ELMOD1: variants seen among roughly 807,000 people sequenced by gnomAD.
ELMOD1 encodes the protein ELMO domain-containing protein 1.
Under a neutral mutation model 46.7 loss-of-function variants are expected in ELMOD1, and 21 were observed. That is an observed-to-expected ratio of 0.45 (90% confidence interval 0.32 to 0.65). ELMOD1 has a LOEUF of 0.65. Ranked by LOEUF, ELMOD1 falls within the 30% of genes least tolerant of loss-of-function variation. The pLI is 0.04. For missense variants in ELMOD1, 348 were observed against 407.8 expected, an observed-to-expected ratio of 0.85 and a Z score of 1.26; for synonymous variants, 122 against 138.2, an observed-to-expected ratio of 0.88 and a Z score of 0.82.
At chr11:107,621,075 C>A (rs1272244075) in intron 2 of ELMOD1, among the ~76,000 whole-genome samples, 1 of 152,166 alleles carries the variant, frequency 6.6e-6, no homozygotes, top group African/African-American at 2.4e-5. Flanking sequence ...AAGATCATTT[C>A]CCTCGTTGGG....
rs1866116852 is a variant in ELMOD1 at position 107,630,495 on chromosome 11, T to C, written c.96T>C (p.Thr32=). The C allele has an allele frequency of 1.2e-6, 2 of 1,609,624 alleles. No homozygotes were observed. The highest frequency in any genetic ancestry group is 8.5e-7 in the Non-Finnish European group (1 of 1,177,924). ...TGAAATTTGTAATGAGGAAGCTAAC[T>C]GGAAGATGTGAACTACAACGGATCT... ...RCLKFVMRKL[T]GRCELQRICY... Residue 32 remains threonine (T), a synonymous_variant, in exon 3 of 12, where the codon ACT becomes ACC. Transcript: ENST00000265840.
At chr11:107,621,473 G>T (rs593925) in intron 2 of ELMOD1, among the ~76,000 whole-genome samples, 23,195 of 152,176 alleles carry the variant, frequency 0.15, 4,493 homozygotes, top group African/African-American at 0.45. Context: ...GGTCCACTAA[G>T]TCATTTAGTG....
At chr11:107,605,344 C>T (rs976447430) in intron 1 of ELMOD1, among the ~76,000 whole-genome samples, 4 of 152,004 alleles carry the variant, frequency 2.6e-5, no homozygotes, top group Non-Finnish European at 4.4e-5. Context: ...GGACTACAGG[C>T]GCATGCCACC....
chr11:107,658,628 G>T (rs147557283), intron 11 of ELMOD1, among the ~76,000 whole-genome samples: 1 of 152,272 alleles, frequency 6.6e-6, no homozygotes, highest in East Asian at 1.9e-4. Context: ...GGAAGTAAAG[G>T]TACTGCTTCT....
chr11:107,662,525 G>A (rs990179463), intron 11 of ELMOD1, among the ~76,000 whole-genome samples: 3 of 150,892 alleles, frequency 2.0e-5, no homozygotes, highest in Non-Finnish European at 4.4e-5. Flanking sequence ...CAGGAGAATC[G>A]CTTGAACCCG....
At chr11:107,627,220 A>G (rs1434276039) in intron 2 of ELMOD1, among the ~76,000 whole-genome samples, 1 of 152,246 alleles carries the variant, frequency 6.6e-6, no homozygotes, top group Non-Finnish European at 1.5e-5. Flanking sequence ...AGAAAATAGA[A>G]TATATCTTGG....
At chr11:107,616,576 T>C (rs1591110821) in intron 1 of ELMOD1, among the ~76,000 whole-genome samples, 1 of 151,804 alleles carries the variant, frequency 6.6e-6, no homozygotes, top group African/African-American at 2.4e-5. Context: ...ATGAGGTTTC[T>C]TCATGTTGGC....
chr11:107,614,794 C>G (rs1865833742), intron 1 of ELMOD1, among the ~76,000 whole-genome samples: 1 of 152,178 alleles, frequency 6.6e-6, no homozygotes, highest in Non-Finnish European at 1.5e-5. Context: ...ATCTTGCCAT[C>G]ACTATTTTTC....
At chr11:107,627,683 T>C (rs1027851267) in intron 2 of ELMOD1, among the ~76,000 whole-genome samples, 1 of 152,184 alleles carries the variant, frequency 6.6e-6, no homozygotes, top group Non-Finnish European at 1.5e-5. Flanking sequence ...TGTGTAGACC[T>C]GATACAGAGG....
intron 6 of ELMOD1, among the ~76,000 whole-genome samples, chr11:107,644,843 G>A (rs892254930): frequency 9.2e-5 from 14 of 151,964 alleles, no homozygotes; most frequent in Non-Finnish European, 2.1e-4. Context: ...TGAATGTGAC[G>A]AACTTTACAT....
In ELMOD1 at chr11:107,605,596, A is replaced by G. The variant is rs559737291; in HGVS notation, c.-85-12509A>G. Among the ~76,000 whole-genome samples, 33 of 152,380 alleles carry G rather than the reference A, an allele frequency of 2.2e-4. 1 individual carries two copies. The South Asian group carries it at 6.8e-3, about 32-fold the overall frequency. ...TAGGCAACCGCAGTGAAATTCAGAA[A>G]GACACTGACTTTGAAACAGATCATA... is the stretch of plus-strand genomic sequence containing the variant. On this transcript the variant is annotated intron_variant, in intron 1 of 11. Transcript: ENST00000265840.
Position 107,640,845 on chromosome 11 carries a change from T to G in ELMOD1, c.420+5080T>G, listed in dbSNP as rs546673812. Among the ~76,000 whole-genome samples, 4 of 152,278 alleles carry G rather than the reference T, an allele frequency of 2.6e-5. No homozygotes were observed. In the East Asian group the frequency reaches 7.7e-4, roughly 29 times the overall value. ...TTGAATCATTATTAGGACACTGAATTATAACAAAGTCCAGCAAATGTATGA... is the reference window on the plus strand; with the variant it reads ...TTGAATCATTATTAGGACACTGAATGATAACAAAGTCCAGCAAATGTATGA... On this transcript the variant is annotated intron_variant, in intron 6 of 11. Transcript: ENST00000265840.
At chr11:107,626,375 TG>T (rs1866040905) in intron 2 of ELMOD1, among the ~76,000 whole-genome samples, 1 of 80,816 alleles carries the variant, frequency 1.2e-5, no homozygotes, top group Non-Finnish European at 2.3e-5. Context: ...CATGCAGTCA[TG>T]AAAAAAAAAA....
intron 1 of ELMOD1, among the ~76,000 whole-genome samples, chr11:107,617,137 CCA>C (rs1269438237): frequency 6.6e-6 from 1 of 152,118 alleles, no homozygotes; most frequent in Non-Finnish European, 1.5e-5. Context: ...CCAAAAGCAA[CCA>C]CAGTCTTAAA....
At chr11:107,606,215 A>G (rs1591102976) in intron 1 of ELMOD1, among the ~76,000 whole-genome samples, 1 of 152,186 alleles carries the variant, frequency 6.6e-6, no homozygotes, top group East Asian at 1.9e-4. Flanking sequence ...GCAGGATGCA[A>G]ACTTAGCCAT....
chr11:107,642,859 C>T (rs768418913), intron 6 of ELMOD1: 20 of 272,200 alleles, frequency 7.3e-5, no homozygotes, highest in Non-Finnish European at 1.4e-4. Flanking sequence ...ATCATGTGAT[C>T]GTTATATTTT....
At chr11:107,651,545 A>C (rs1168415161) in intron 9 of ELMOD1, among the ~76,000 whole-genome samples, 1 of 152,188 alleles carries the variant, frequency 6.6e-6, no homozygotes, top group Non-Finnish European at 1.5e-5. Flanking sequence ...AAGATTCATT[A>C]AGTCATATTA....
chr11:107,652,495 G>A (rs1258984105), intron 9 of ELMOD1, among the ~76,000 whole-genome samples: 1 of 152,138 alleles, frequency 6.6e-6, no homozygotes, highest in Non-Finnish European at 1.5e-5. Context: ...GAGATCATTT[G>A]GCCTTTTCTT....
chr11:107,665,344 T>A lies in ELMOD1; in HGVS notation c.*147T>A. 1.2e-6 allele frequency: 1 copy of A among 807,626 alleles called. No homozygotes were observed. The highest frequency in any genetic ancestry group is 1.9e-6 in the Non-Finnish European group (1 of 514,784). 50.0% of individuals were successfully genotyped at this position (807,626 alleles called of 1,614,324 possible). A position where few individuals can be genotyped will look rare whatever the true frequency, so the allele number is the denominator to read the frequency against. On this transcript the variant is annotated 3_prime_UTR_variant, in exon 12 of 12. Coordinates refer to ENST00000265840, the MANE Select transcript of ELMOD1 (RefSeq NM_018712.4). ...AGTGTTTTCATCTCTTGGTCATAAT[T>A]CCGAGATCCCCAGAGACCACTGTTT... is the stretch of plus-strand genomic sequence containing the variant.
Sources: gnomAD v4.1 joint callset for allele counts (sites outside exome capture counted in the v4.1 genomes callset) on GRCh38, gnomAD v4.1.1 for gene constraint, MANE v1.5 for transcripts, NCBI Gene and HGNC (gene_info 2026-07-23, HGNC 2026-07-21) for gene names.